The following MSRB3 variants were observed in gnomAD, a reference collection of about 807,000 sequenced individuals.
MSRB3 encodes methionine-R-sulfoxide reductase B3.
Under a neutral mutation model 21.0 loss-of-function variants are expected in MSRB3, and 13 were observed. The ratio of observed to expected loss-of-function variants is 0.62; its 90% CI spans 0.40 to 0.98. MSRB3 has a LOEUF of 0.98. Among genes scored for constraint, MSRB3 ranks in the 50% least tolerant of loss-of-function variants. The probability of loss-of-function intolerance (pLI) is 0.00; values close to 1 mark genes in which losing one functional copy is unlikely to be tolerated. For missense variants in MSRB3, 199 were observed against 230.3 expected (o/e 0.86, Z 0.88); for synonymous variants, 87 against 88.6 (o/e 0.98, Z 0.10).
At chr12:65,419,682 C>A in intron 5 of MSRB3, 1 of 741,786 alleles carries the variant, frequency 1.3e-6, no homozygotes, top group Non-Finnish European at 2.4e-6. Context: ...CCAGGTGCTC[C>A]CAGATTTTAC....
At chr12:65,284,807 AT>A (rs1872245587) in intron 1 of MSRB3, 1 of 152,212 alleles carries the variant, frequency 6.6e-6, no homozygotes, top group Admixed American at 6.5e-5. Flanking sequence ...GGGACATCAC[AT>A]TTACTAACTT....
intron 2 of MSRB3, chr12:65,315,980 T>G (rs570804266): frequency 2.5e-4 from 38 of 152,272 alleles, no homozygotes; most frequent in Non-Finnish European, 5.3e-4. Flanking sequence ...ATAAAACTGT[T>G]TATATTATAT....
At chr12:65,373,605 A>G (rs1020351568) in intron 5 of MSRB3, among the ~76,000 whole-genome samples, 7 of 152,148 alleles carry the variant, frequency 4.6e-5, no homozygotes, top group African/African-American at 1.7e-4. Flanking sequence ...GAATAGCTAT[A>G]CTAAGGAAAT....
intron 1 of MSRB3, among the ~76,000 whole-genome samples, chr12:65,308,202 TC>T (rs1459232676): frequency 6.6e-6 from 1 of 152,232 alleles, no homozygotes; most frequent in Non-Finnish European, 1.5e-5. Context: ...TATATTAGGC[TC>T]CAGACAGTTC....
chr12:65,298,889 T>C (rs1873143519), intron 1 of MSRB3, among the ~76,000 whole-genome samples: 1 of 152,198 alleles, frequency 6.6e-6, no homozygotes, highest in African/African-American at 2.4e-5. Context: ...GTGATATAGA[T>C]ACTGTAGTTT....
intron 5 of MSRB3, among the ~76,000 whole-genome samples, chr12:65,379,447 G>A (rs548173283): frequency 2.0e-5 from 3 of 152,178 alleles, no homozygotes; most frequent in East Asian, 1.9e-4. Context: ...TTAAATTAAC[G>A]TGTAGAACAA....
intron 5 of MSRB3, among the ~76,000 whole-genome samples, chr12:65,370,462 A>G (rs1425675187): frequency 6.6e-6 from 1 of 152,184 alleles, no homozygotes; most frequent in African/African-American, 2.4e-5. Context: ...GTTTTAGGGT[A>G]CAGGGTCTGG....
At chr12:65,379,157 T>C (rs1462308991) in intron 5 of MSRB3, among the ~76,000 whole-genome samples, 1 of 147,180 alleles carries the variant, frequency 6.8e-6, no homozygotes, top group East Asian at 2.0e-4. Context: ...CACAACTTCA[T>C]TCAACCATCC....
chr12:65,443,764 C>G (rs1013735205), intron 5 of MSRB3, among the ~76,000 whole-genome samples: 1 of 151,842 alleles, frequency 6.6e-6, no homozygotes, highest in African/African-American at 2.4e-5. Flanking sequence ...GTATGAAATA[C>G]ATTCACATTG....
chr12:65,397,218 A>G (rs964193109), intron 5 of MSRB3, among the ~76,000 whole-genome samples: 1 of 152,180 alleles, frequency 6.6e-6, no homozygotes, highest in Admixed American at 6.5e-5. Flanking sequence ...TGATATGTGT[A>G]TCTTCATTCC....
intron 4 of MSRB3, among the ~76,000 whole-genome samples, chr12:65,354,578 G>T (rs1396848771): frequency 2.6e-5 from 4 of 151,794 alleles, no homozygotes; most frequent in African/African-American, 4.8e-5. Flanking sequence ...AGCTCCATCA[G>T]GTCCTTTAAG....
intron 1 of MSRB3, among the ~76,000 whole-genome samples, chr12:65,291,104 C>T (rs945191032): frequency 1.3e-5 from 2 of 149,810 alleles, no homozygotes; most frequent in Non-Finnish European, 3.0e-5. Context: ...TTTCTTTTTG[C>T]GATGGAGTCT....
rs935564722 is a variant in MSRB3, at chr12:65,368,927, C to A, written c.264-71C>A. 31 of 566,436 alleles carry A rather than the reference C, an allele frequency of 5.5e-5. 2 individuals are homozygous for A. Among genetic ancestry groups the A allele is most frequent in the South Asian group, 3.0e-4 (15 of 49,802 alleles). 35.1% of individuals were successfully genotyped at this position (566,436 alleles called of 1,614,324 possible). On this transcript the variant is annotated intron_variant, in intron 4 of 6. Transcript: ENST00000308259. ...ATTACCTCCCCTCCCAACCACACCC[C>A]CCCCCCCCATGAAATAATTGTTCTT...
chr12:65,345,823 C>T (rs1463470807), intron 4 of MSRB3, among the ~76,000 whole-genome samples: 3 of 151,992 alleles, frequency 2.0e-5, no homozygotes, highest in Non-Finnish European at 2.9e-5. Flanking sequence ...TGAGTGAGAA[C>T]ATGTGGTGTT....
chr12:65,385,016 A>G (rs540098489), intron 5 of MSRB3, among the ~76,000 whole-genome samples: 1 of 152,276 alleles, frequency 6.6e-6, no homozygotes, highest in East Asian at 1.9e-4. Context: ...TGTGTATTCA[A>G]TCTCTGTCAT....
intron 6 of MSRB3, among the ~76,000 whole-genome samples, chr12:65,459,150 C>G (rs964189915): frequency 2.6e-5 from 4 of 152,038 alleles, no homozygotes; most frequent in African/African-American, 9.7e-5. Flanking sequence ...CTGAATTTAC[C>G]CACGTTGGAG....
At chr12:65,380,715 T>C (rs1355412407) in intron 5 of MSRB3, among the ~76,000 whole-genome samples, 1 of 152,194 alleles carries the variant, frequency 6.6e-6, no homozygotes, top group Non-Finnish European at 1.5e-5. Context: ...CTCATCTAAT[T>C]TGCATAGACC....
At chr12:65,359,452 T>C (rs1216461145) in intron 4 of MSRB3, among the ~76,000 whole-genome samples, 2 of 152,056 alleles carry the variant, frequency 1.3e-5, no homozygotes, top group African/African-American at 2.4e-5. Flanking sequence ...AAATATTATG[T>C]ATAAAACTGG....
chr12:65,356,696 G>A (rs1877403525), intron 4 of MSRB3, among the ~76,000 whole-genome samples: 1 of 151,898 alleles, frequency 6.6e-6, no homozygotes, highest in South Asian at 2.1e-4. Flanking sequence ...ATTCAGGTTA[G>A]TGGTTCTCAG....
Sources: allele counts gnomAD v4.1 joint callset (sites outside exome capture counted in the v4.1 genomes callset), GRCh38; gene constraint gnomAD v4.1.1; transcripts MANE v1.5; gene names NCBI Gene and HGNC (gene_info 2026-07-23, HGNC 2026-07-21).